TRPC4: variants seen among roughly 807,000 people sequenced by gnomAD.
The protein encoded by TRPC4 is short transient receptor potential channel 4.
A neutral mutation model predicts 99.4 loss-of-function variants in TRPC4; 49 were observed. That is an observed-to-expected ratio of 0.49 (90% CI 0.39 to 0.63). The LOEUF (loss-of-function observed/expected upper bound fraction) is 0.63. Among genes scored for constraint, TRPC4 ranks in the 20% least tolerant of loss-of-function variants. The pLI, the probability that TRPC4 is intolerant of heterozygous loss-of-function variation, is 0.00. For missense variants in TRPC4, 898 were observed against 1,152.9 expected (o/e 0.78, Z 3.20); for synonymous variants, 454 against 425.9 (o/e 1.07, Z -0.81).
intron 3 of TRPC4, among the ~76,000 whole-genome samples, chr13:37,702,533 A>G (rs951306360): frequency 6.8e-4 from 104 of 152,312 alleles, no homozygotes; most frequent in African/African-American, 2.4e-3. Flanking sequence ...GCCTAAATTA[A>G]TGTTCTGGAA....
chr13:37,707,182 C>T (rs997155152), intron 3 of TRPC4, among the ~76,000 whole-genome samples: 2 of 152,026 alleles, frequency 1.3e-5, no homozygotes, highest in African/African-American at 4.8e-5. Flanking sequence ...TTTTATAATC[C>T]TTAGTCTCTA....
At chr13:37,843,600 C>T (rs1274621090) in intron 1 of TRPC4, among the ~76,000 whole-genome samples, 1 of 152,020 alleles carries the variant, frequency 6.6e-6, no homozygotes, top group Non-Finnish European at 1.5e-5. Flanking sequence ...ATATCAACTG[C>T]TTAATGGCAC....
chr13:37,728,444 A>C (rs139381761), intron 3 of TRPC4, among the ~76,000 whole-genome samples: 512 of 152,130 alleles, frequency 3.4e-3, no homozygotes, highest in Non-Finnish European at 5.5e-3. Context: ...AAAAATCAAA[A>C]AGTATAAAAT....
intron 1 of TRPC4, among the ~76,000 whole-genome samples, chr13:37,865,422 C>A (rs993809469): frequency 3.3e-5 from 5 of 151,358 alleles, no homozygotes; most frequent in South Asian, 4.1e-4. Context: ...AAATTATAAT[C>A]TTGAACTTTG....
rs1451217859 is a variant in TRPC4, at chr13:37,746,326, G to A, written c.508C>T (p.Arg170Ter). The A allele has an allele frequency of 6.2e-7, 1 of 1,613,734 alleles. No individual in the cohort carries two copies. Among genetic ancestry groups the A allele is most frequent in the Non-Finnish European group, 8.5e-7 (1 of 1,179,838 alleles). ...CAGTTACAGCGGACCTCGTGGGGTC[G>A]AGGCACTGAGACTCCTTTCTGAACC... is the stretch of plus-strand genomic sequence containing the variant. ...LLVQKGVSVP[R>*]PHEVRCNCVE... Residue 170 changes from arginine to a stop codon, truncating the protein, a stop_gained, in exon 3 of 11, where the codon CGA becomes TGA. Coordinates refer to ENST00000379705, the MANE Select transcript of TRPC4 (RefSeq NM_016179.4). LOFTEE classifies it high-confidence loss of function.
At chr13:37,776,561 C>A (rs981703245) in intron 2 of TRPC4, among the ~76,000 whole-genome samples, 5 of 151,730 alleles carry the variant, frequency 3.3e-5, no homozygotes, top group African/African-American at 1.2e-4. Flanking sequence ...GATTTGACCT[C>A]AAACAGGGTA....
At chr13:37,806,594 A>G (rs929573408) in intron 1 of TRPC4, among the ~76,000 whole-genome samples, 1 of 152,042 alleles carries the variant, frequency 6.6e-6, no homozygotes, top group Non-Finnish European at 1.5e-5. Flanking sequence ...CACTAACTCC[A>G]TGGACAACTG....
intron 1 of TRPC4, among the ~76,000 whole-genome samples, chr13:37,822,397 G>T (rs1470186028): frequency 6.6e-6 from 1 of 151,794 alleles, no homozygotes; most frequent in Non-Finnish European, 1.5e-5. Context: ...CTAGCATTAG[G>T]TATATCTCCT....
At chr13:37,819,406 A>G (rs1957951832) in intron 1 of TRPC4, among the ~76,000 whole-genome samples, 1 of 152,114 alleles carries the variant, frequency 6.6e-6, no homozygotes, top group Non-Finnish European at 1.5e-5. Flanking sequence ...TATGTATAAT[A>G]GGAAAGACAT....
chr13:37,638,129 C>T (rs1366976012), intron 10 of TRPC4, among the ~76,000 whole-genome samples: 5 of 152,210 alleles, frequency 3.3e-5, no homozygotes, highest in Admixed American at 3.3e-4. Context: ...GCCTCTACAT[C>T]CTGGGAATTT....
chr13:37,756,322 G>A lies in TRPC4; in HGVS notation c.379-9867C>T, dbSNP rs559261803. Among the ~76,000 whole-genome samples, 382 of 152,100 alleles carry A rather than the reference G, an allele frequency of 2.5e-3. 1 individual carries two copies. Among genetic ancestry groups the A allele is most frequent in the African/African-American group, 8.6e-3 (356 of 41,560 alleles). On this transcript the variant is annotated intron_variant, in intron 2 of 10. Coordinates refer to ENST00000379705, the MANE Select transcript of TRPC4 (RefSeq NM_016179.4). ...GTTACAATCTTATCTAAACAAACTC[G>A]AAAGTATTATTTTAGGCTCAAACTT...
chr13:37,648,636 C>A (rs1200773274), intron 8 of TRPC4, among the ~76,000 whole-genome samples: 2 of 151,742 alleles, frequency 1.3e-5, no homozygotes, highest in Non-Finnish European at 2.9e-5. Flanking sequence ...CAAATATAAA[C>A]ACATAAAAGA....
intron 3 of TRPC4, among the ~76,000 whole-genome samples, chr13:37,729,679 T>G (rs867155296): frequency 6.6e-6 from 1 of 152,064 alleles, no homozygotes; most frequent in South Asian, 2.1e-4. Flanking sequence ...AATCTGGCAT[T>G]TGTAACAACA....
intron 1 of TRPC4, among the ~76,000 whole-genome samples, chr13:37,845,001 G>C (rs915601717): frequency 2.0e-5 from 3 of 152,174 alleles, no homozygotes; most frequent in Admixed American, 1.3e-4. Flanking sequence ...TGACTGCAGA[G>C]CCCAGCCAGC....
At chr13:37,820,118 C>A (rs927007399) in intron 1 of TRPC4, among the ~76,000 whole-genome samples, 1 of 151,924 alleles carries the variant, frequency 6.6e-6, no homozygotes, top group Non-Finnish European at 1.5e-5. Context: ...TATATTACCA[C>A]CAACCTCACA....
intron 3 of TRPC4, among the ~76,000 whole-genome samples, chr13:37,741,402 C>T (rs1955585490): frequency 6.6e-6 from 1 of 152,160 alleles, no homozygotes. Flanking sequence ...TTATGTTACA[C>T]ACAGGGCAAG....
At chr13:37,717,335 T>C (rs1954712115) in intron 3 of TRPC4, among the ~76,000 whole-genome samples, 1 of 152,168 alleles carries the variant, frequency 6.6e-6, no homozygotes, top group East Asian at 1.9e-4. Context: ...TTTTAAATGC[T>C]ATTGGCTACT....
chr13:37,791,598 G>T (rs779539091), intron 1 of TRPC4, among the ~76,000 whole-genome samples: 10 of 152,096 alleles, frequency 6.6e-5, no homozygotes, highest in African/African-American at 9.7e-5. Flanking sequence ...GAGTACCAAT[G>T]TCCTGCACTC....
Position 37,674,358 on chromosome 13 carries a change from C to T in TRPC4, c.1244G>A (p.Trp415Ter). 1 of 1,598,000 alleles carries T rather than the reference C, an allele frequency of 6.3e-7. No individual in the cohort carries two copies. The highest frequency in any genetic ancestry group is 1.7e-4 in the Middle Eastern group (1 of 6,012). The change falls in exon 5 of 11, where the codon TGG becomes TAG. Residue 415 changes from tryptophan to a stop codon, truncating the protein, a stop_gained. Transcript: ENST00000379705. LOFTEE classifies it high-confidence loss of function. Reference protein sequence around the residue: ...MILPWVLGFIWGEIKQMWDGG... With the variant: ...MILPWVLGFI ...ATCCCACATCTGTTTAATTTCTCCC[C>T]ATATGAAGCCTGCAATTATAGAAAG... is the stretch of plus-strand genomic sequence containing the variant.
Sources: gnomAD v4.1 joint callset for allele counts (sites outside exome capture counted in the v4.1 genomes callset) on GRCh38, gnomAD v4.1.1 for gene constraint, MANE v1.5 for transcripts, NCBI Gene and HGNC (gene_info 2026-07-23, HGNC 2026-07-21) for gene names.